The following CHN2 variants were observed in gnomAD, a reference collection of about 807,000 sequenced individuals.
The protein encoded by CHN2 is beta-chimaerin.
In CHN2, 35 loss-of-function variants were observed where a neutral mutation model predicts 56.3. The ratio of observed to expected loss-of-function variants is 0.62; its 90% CI spans 0.47 to 0.82. The LOEUF (loss-of-function observed/expected upper bound fraction) is 0.82. Ranked by LOEUF, CHN2 falls within the 40% of genes least tolerant of loss-of-function variation. The pLI is 0.00. For missense variants in CHN2, 491 were observed against 580.5 expected (o/e 0.85, Z 1.58); for synonymous variants, 210 against 212.8 (o/e 0.99, Z 0.12).
chr7:29,301,784 T>C (rs1793689450), intron 1 of CHN2, among the ~76,000 whole-genome samples: 1 of 152,256 alleles, frequency 6.6e-6, no homozygotes, highest in Non-Finnish European at 1.5e-5. Flanking sequence ...CTTGTTATCA[T>C]GGTGGTAGAT....
intron 3 of CHN2, among the ~76,000 whole-genome samples, chr7:29,385,206 C>T (rs1379275612): frequency 6.6e-6 from 1 of 152,120 alleles, no homozygotes; most frequent in Non-Finnish European, 1.5e-5. Context: ...GCAAATATTT[C>T]CTTCTGCCTT....
upstream of CHN2, chr7:29,192,796 A>C (rs1411854974): frequency 6.6e-6 from 1 of 152,168 alleles, no homozygotes; most frequent in Non-Finnish European, 1.5e-5. Context: ...CCAGAGTTTG[A>C]ACCCAGTTGT....
chr7:29,167,696 T>C (rs1291050584), intron 2 of CHN2, among the ~76,000 whole-genome samples: 4 of 152,222 alleles, frequency 2.6e-5, no homozygotes, highest in Non-Finnish European at 1.5e-5. Flanking sequence ...ACTATATAGT[T>C]TTGCCAATCT....
intron 1 of CHN2, among the ~76,000 whole-genome samples, chr7:29,323,271 A>G (rs537843655): frequency 1.3e-5 from 2 of 151,880 alleles, no homozygotes; most frequent in Admixed American, 1.3e-4. Context: ...ATGTTTGAAG[A>G]TGGATACCCT....
chr7:29,419,904 A>G (rs1804158057), intron 6 of CHN2, among the ~76,000 whole-genome samples: 1 of 152,130 alleles, frequency 6.6e-6, no homozygotes. Flanking sequence ...TACTAAAAAT[A>G]CAAAAATTAG....
intron 2 of CHN2, among the ~76,000 whole-genome samples, chr7:29,148,849 AGT>A (rs1295404121): frequency 1.3e-5 from 2 of 152,186 alleles, no homozygotes; most frequent in Non-Finnish European, 1.5e-5. Context: ...GGGCTGATAA[AGT>A]GTGTGTGTGG....
At chr7:29,468,593 T>C (rs1460013094) in intron 6 of CHN2, among the ~76,000 whole-genome samples, 4 of 151,576 alleles carry the variant, frequency 2.6e-5, no homozygotes, top group Non-Finnish European at 5.9e-5. Context: ...TCCTACTCTT[T>C]TTACTGCAGT....
At chr7:29,423,937 G>A (rs58718954) in intron 6 of CHN2, among the ~76,000 whole-genome samples, 2,074 of 152,272 alleles carry the variant, frequency 0.014, 52 homozygotes, top group African/African-American at 0.048. Context: ...TCAGTGCCAC[G>A]TCCTTGCCAC....
rs73074522 is a variant in CHN2, at chr7:29,214,192, T to C, written c.49+19202T>C. On this transcript the variant is annotated intron_variant, in intron 1 of 12. Coordinates refer to ENST00000222792, the MANE Select transcript of CHN2 (RefSeq NM_004067.4). ...CAAATATGGCCTCTTTTTCTGTGGC[T>C]CTTGAGTAATTATCAGTAAACACCT... Among the ~76,000 whole-genome samples, 316 of 152,308 alleles carry C rather than the reference T, an allele frequency of 2.1e-3. 4 individuals carry two copies. Among genetic ancestry groups the C allele is most frequent in the Non-Finnish European group, 3.8e-3 (261 of 68,024 alleles).
intron 2 of CHN2, among the ~76,000 whole-genome samples, chr7:29,160,265 T>C (rs192001502): frequency 2.0e-5 from 3 of 152,332 alleles, no homozygotes; most frequent in Admixed American, 2.0e-4. Flanking sequence ...GTGACAGACA[T>C]GAGCAGTACA....
chr7:29,363,067 T>C (rs1798862475), intron 2 of CHN2, among the ~76,000 whole-genome samples: 1 of 152,230 alleles, frequency 6.6e-6, no homozygotes, highest in Non-Finnish European at 1.5e-5. Flanking sequence ...TCTGGAACTC[T>C]GTGATTCTAG....
intron 7 of CHN2, among the ~76,000 whole-genome samples, chr7:29,481,544 T>A (rs965776464): frequency 2.6e-5 from 4 of 152,204 alleles, no homozygotes; most frequent in African/African-American, 9.7e-5. Flanking sequence ...CCCTACATAC[T>A]TAGCATTAGG....
intron 6 of CHN2, among the ~76,000 whole-genome samples, chr7:29,418,982 G>C (rs1214303850): frequency 5.9e-5 from 9 of 152,132 alleles, no homozygotes; most frequent in African/African-American, 1.7e-4. Flanking sequence ...TGAAATTCTG[G>C]ATTTTGAAGG....
At chr7:29,233,824 G>GTTTTTTTTTT (rs1584812326) in intron 1 of CHN2, among the ~76,000 whole-genome samples, 17 of 81,766 alleles carry the variant, frequency 2.1e-4, no homozygotes, top group Non-Finnish European at 3.3e-4. Flanking sequence ...CCAACACCTT[G>GTTTTTTTTTT]ATTTTTTTTT....
chr7:29,390,195 G>C (rs1388251736), intron 3 of CHN2, among the ~76,000 whole-genome samples: 1 of 152,158 alleles, frequency 6.6e-6, no homozygotes, highest in Non-Finnish European at 1.5e-5. Context: ...TCTGTAAAGA[G>C]AGGTGTTCCT....
intron 6 of CHN2, among the ~76,000 whole-genome samples, chr7:29,424,627 G>A (rs902028545): frequency 6.6e-6 from 1 of 152,102 alleles, no homozygotes; most frequent in Non-Finnish European, 1.5e-5. Flanking sequence ...TGACTGGTTC[G>A]TACATTGTTT....
chr7:29,469,742 T>C (rs1785871728), intron 6 of CHN2, among the ~76,000 whole-genome samples: 1 of 152,204 alleles, frequency 6.6e-6, no homozygotes, highest in Non-Finnish European at 1.5e-5. Context: ...TCTTGCTTTG[T>C]TTTTCTTCAT....
chr7:29,300,188 C>A (rs1448356670), intron 1 of CHN2, among the ~76,000 whole-genome samples: 1 of 152,140 alleles, frequency 6.6e-6, no homozygotes, highest in East Asian at 1.9e-4. Flanking sequence ...ACATGTCAAG[C>A]TAAGGAATGT....
chr7:29,174,397 A>G (rs1014502128), intron 2 of CHN2, among the ~76,000 whole-genome samples: 7 of 152,164 alleles, frequency 4.6e-5, no homozygotes, highest in African/African-American at 1.7e-4. Flanking sequence ...CGAGGCCTGG[A>G]GGCTACACCA....
Sources: allele counts gnomAD v4.1 joint callset (sites outside exome capture counted in the v4.1 genomes callset), GRCh38; gene constraint gnomAD v4.1.1; transcripts MANE v1.5; gene names NCBI Gene and HGNC (gene_info 2026-07-23, HGNC 2026-07-21).